Variants in CNTNAP2 observed in about 807,000 individuals in gnomAD.
CNTNAP2 encodes the protein contactin-associated protein-like 2.
A neutral mutation model predicts 155.2 loss-of-function variants in CNTNAP2; 98 were observed. The ratio of observed to expected loss-of-function variants is 0.63; its 90% CI spans 0.54 to 0.75. The LOEUF (loss-of-function observed/expected upper bound fraction) is 0.75, where lower values mean the gene tolerates loss of function less well. Among genes scored for constraint, CNTNAP2 ranks in the 30% least tolerant of loss-of-function variants. CNTNAP2 has a pLI of 0.00. For missense variants in CNTNAP2, 1,727 were observed against 1,688.1 expected, an observed-to-expected ratio of 1.02 and a Z score of -0.40; for synonymous variants, 651 against 631.2, an observed-to-expected ratio of 1.03 and a Z score of -0.47.
intron 2 of CNTNAP2, among the ~76,000 whole-genome samples, chr7:146,816,819 C>T (rs959927169): frequency 2.0e-5 from 3 of 152,170 alleles, no homozygotes; most frequent in Admixed American, 2.0e-4. Flanking sequence ...ACTTACCCAA[C>T]CTGTCTATGC....
chr7:147,531,812 T>C (rs1419397820), intron 11 of CNTNAP2, among the ~76,000 whole-genome samples: 4 of 142,918 alleles, frequency 2.8e-5, no homozygotes, highest in Non-Finnish European at 3.1e-5. Context: ...TTTTCTTTTT[T>C]TTTTTTTTTT....
At chr7:147,176,592 A>T (rs1197367884) in intron 8 of CNTNAP2, among the ~76,000 whole-genome samples, 1 of 146,292 alleles carries the variant, frequency 6.8e-6, no homozygotes, top group Non-Finnish European at 1.5e-5. Context: ...GATAGATTAT[A>T]TCTTATATAC....
intron 8 of CNTNAP2, among the ~76,000 whole-genome samples, chr7:147,173,396 G>T (rs1205534486): frequency 6.6e-6 from 1 of 151,760 alleles, no homozygotes; most frequent in Admixed American, 6.6e-5. Context: ...AAGTACCTAA[G>T]AAACAATTTG....
At chr7:147,304,526 A>G (rs142335359) in intron 9 of CNTNAP2, among the ~76,000 whole-genome samples, 1,641 of 152,250 alleles carry the variant, frequency 0.011, 31 homozygotes, top group African/African-American at 0.038. Flanking sequence ...TCATTAAAAG[A>G]AAAAGGAGCT....
intron 1 of CNTNAP2, among the ~76,000 whole-genome samples, chr7:146,477,121 A>G (rs1159760494): frequency 6.6e-6 from 1 of 152,172 alleles, no homozygotes; most frequent in Non-Finnish European, 1.5e-5. Context: ...TAGTTAATAT[A>G]ATTATATTTG....
At chr7:147,461,839 G>A (rs374566048) in intron 10 of CNTNAP2, among the ~76,000 whole-genome samples, 20 of 152,230 alleles carry the variant, frequency 1.3e-4, no homozygotes, top group Admixed American at 2.0e-4. Context: ...ACTAAAATTA[G>A]GGATTGAGTG....
chr7:146,598,511 T>G (rs1798897481), intron 1 of CNTNAP2, among the ~76,000 whole-genome samples: 1 of 152,114 alleles, frequency 6.6e-6, no homozygotes. Context: ...ATATGTCTTG[T>G]CAGTGTTACC....
intron 13 of CNTNAP2, among the ~76,000 whole-genome samples, chr7:147,902,450 T>C (rs966226972): frequency 2.6e-5 from 4 of 152,192 alleles, no homozygotes; most frequent in African/African-American, 9.7e-5. Flanking sequence ...CAGGTAGTAT[T>C]TGGTTGCATG....
chr7:146,370,198 G>A (rs752307513), intron 1 of CNTNAP2, among the ~76,000 whole-genome samples: 10 of 147,788 alleles, frequency 6.8e-5, no homozygotes, highest in Non-Finnish European at 1.2e-4. Context: ...GGGGCAGGTG[G>A]ATCACTTGAG....
chr7:146,410,497 AT>A (rs1196813777), intron 1 of CNTNAP2, among the ~76,000 whole-genome samples: 3 of 152,054 alleles, frequency 2.0e-5, no homozygotes, highest in Non-Finnish European at 4.4e-5. Flanking sequence ...TATAGATATC[AT>A]TTTTTTGACT....
chr7:146,515,415 T>G (rs536466905), intron 1 of CNTNAP2, among the ~76,000 whole-genome samples: 2 of 152,082 alleles, frequency 1.3e-5, no homozygotes. Context: ...TTAGTGTCTG[T>G]TCACAATTTA....
chr7:147,704,595 A>G lies in CNTNAP2; in HGVS notation c.2098+65289A>G, dbSNP rs139510015. Reference sequence around the variant, plus strand: ...ATTATCAGAGTAACACTGGCCTCATAGAATGAGTTAGGGATAATTCCCTCT... The same window carrying G: ...ATTATCAGAGTAACACTGGCCTCATGGAATGAGTTAGGGATAATTCCCTCT... On this transcript the variant is annotated intron_variant, in intron 13 of 23. Transcript: ENST00000361727. The G allele has an allele frequency of 5.1e-4, 79 of 155,864 alleles. 1 individual carries two copies. The East Asian group carries it at 0.013, about 25-fold the overall frequency. The allele number at this position is 155,864 out of a possible 1,614,324, so 9.7% of individuals were successfully genotyped here.
At chr7:147,882,744 T>G (rs2710096) in intron 13 of CNTNAP2, among the ~76,000 whole-genome samples, 80,534 of 151,856 alleles carry the variant, frequency 0.53, 21,483 homozygotes, top group East Asian at 0.61. Flanking sequence ...CTTTTATTAC[T>G]CATTACCCTA....
chr7:146,924,791 GTTT>G lies in CNTNAP2; in HGVS notation c.402+84891_402+84893del, dbSNP rs540968107. ...GTTTTTTGTTTGTTCATTTGTTTTTGTTTTTTATATTTGTGCTTAAGCTATTTC... is the reference window on the plus strand; with the variant it reads ...GTTTTTTGTTTGTTCATTTGTTTTTGTTTATATTTGTGCTTAAGCTATTTC... On this transcript the variant is annotated intron_variant, in intron 3 of 23. Transcript: ENST00000361727. 1.3e-4 allele frequency among the ~76,000 whole-genome samples: 19 copies of G among 151,864 alleles called. No individual in the cohort carries two copies. The East Asian group carries it at 3.5e-3, about 28-fold the overall frequency.
In CNTNAP2 at chr7:146,871,543, A is replaced by T. The variant is rs990451116; in HGVS notation, c.402+31639A>T. On this transcript the variant is annotated intron_variant, in intron 3 of 23. Transcript: ENST00000361727. ...AGGCTCCGTCTAAAAAAAAATAAAT[A>T]AATAAATTAAATAAATAAATTAAAA... Among the ~76,000 whole-genome samples the T allele has an allele frequency of 8.4e-4, 127 of 151,974 alleles. 2 individuals are homozygous for T. The highest frequency in any genetic ancestry group is 3.4e-3 in the Middle Eastern group (1 of 294).
At chr7:146,828,844 A>G (rs1057427223) in intron 2 of CNTNAP2, among the ~76,000 whole-genome samples, 2 of 152,094 alleles carry the variant, frequency 1.3e-5, no homozygotes, top group African/African-American at 4.8e-5. Context: ...TGTGTTTAAA[A>G]TAATGTAAAA....
At chr7:146,709,279 T>C (rs896383680) in intron 1 of CNTNAP2, among the ~76,000 whole-genome samples, 3 of 152,140 alleles carry the variant, frequency 2.0e-5, no homozygotes, top group Non-Finnish European at 4.4e-5. Flanking sequence ...GGGTCGTGTT[T>C]ATGAACTTTT....
At chr7:147,318,497 A>G (rs557396727) in intron 9 of CNTNAP2, among the ~76,000 whole-genome samples, 1 of 152,262 alleles carries the variant, frequency 6.6e-6, no homozygotes, top group Non-Finnish European at 1.5e-5. Context: ...CTGTTATACT[A>G]TGCAGCCATA....
At chr7:146,381,720 A>G (rs1795392054) in intron 1 of CNTNAP2, among the ~76,000 whole-genome samples, 1 of 152,218 alleles carries the variant, frequency 6.6e-6, no homozygotes, top group Admixed American at 6.5e-5. Context: ...AAGAAGAGCT[A>G]AAGATAAGGG....
Sources: allele counts gnomAD v4.1 joint callset (sites outside exome capture counted in the v4.1 genomes callset), GRCh38; gene constraint gnomAD v4.1.1; transcripts MANE v1.5; gene names NCBI Gene and HGNC (gene_info 2026-07-23, HGNC 2026-07-21).